P2RX5: variants seen among roughly 807,000 people sequenced by gnomAD.
P2RX5 encodes the protein P2X purinoceptor 5.
P2RX5 carries 46 observed loss-of-function variants against 54.1 expected under a neutral mutation model. The observed-to-expected ratio is 0.85, with a 90% CI of 0.67 to 1.09. The LOEUF is 1.09. Ranked by LOEUF, P2RX5 falls within the 50% of genes least tolerant of loss-of-function variation. The pLI is 0.00. For synonymous variants in P2RX5, 226 were observed against 226.4 expected, an observed-to-expected ratio of 1.00 and a Z score of 0.02; for missense variants, 566 against 549.8, an observed-to-expected ratio of 1.03 and a Z score of -0.29.
intron 11 of P2RX5, among the ~76,000 whole-genome samples, chr17:3,674,811 A>AC (rs2050064659): frequency 6.6e-6 from 1 of 152,170 alleles, no homozygotes; most frequent in Non-Finnish European, 1.5e-5. Flanking sequence ...TCCTTGGGGA[A>AC]ACCTTCTCTG....
At chr17:3,679,501 G>T in intron 11 of P2RX5, 89 bp downstream of exon 11, 1 of 1,200,192 alleles carries the variant, frequency 8.3e-7, no homozygotes, top group Non-Finnish European at 1.2e-6. Context: ...AGAGGGGTCC[G>T]CTGGAGCTGC....
intron 9 of P2RX5, among the ~76,000 whole-genome samples, chr17:3,683,745 A>AG (rs929493316): frequency 1.4e-5 from 2 of 148,008 alleles, no homozygotes; most frequent in African/African-American, 4.9e-5. Flanking sequence ...AAAAAAAAAA[A>AG]AAAGAAAAGT....
the P2RX5 span, among the ~76,000 whole-genome samples, chr17:3,709,710 C>CG: frequency 6.6e-6 from 1 of 152,006 alleles, no homozygotes; most frequent in South Asian, 2.1e-4. Context: ...GTCAGGAGTT[C>CG]GAGACCAGCC....
chr17:3,709,742 C>T, the P2RX5 span, among the ~76,000 whole-genome samples: 1 of 152,106 alleles, frequency 6.6e-6, no homozygotes, highest in Non-Finnish European at 1.5e-5. Context: ...AACCCCGTCT[C>T]TACTAAAAAT....
intron 11 of P2RX5, chr17:3,677,594 G>T (rs2142995183): frequency 1.0e-6 from 1 of 985,426 alleles, no homozygotes. Flanking sequence ...AACCCTGCTA[G>T]AGGCTAGAGG....
the P2RX5 span, among the ~76,000 whole-genome samples, chr17:3,710,196 G>A: frequency 6.6e-6 from 1 of 152,072 alleles, no homozygotes; most frequent in Non-Finnish European, 1.5e-5. Flanking sequence ...GGAAGCCGAG[G>A]TGAGCGGATC....
At chr17:3,698,088 C>T (rs1567743633), upstream of P2RX5, among the ~76,000 whole-genome samples, 1 of 151,880 alleles carries the variant, frequency 6.6e-6, no homozygotes, top group African/African-American at 2.4e-5. Context: ...TCCACCCTGC[C>T]CCAGTCATGA....
chr17:3,681,049 T>G (rs941094535), intron 10 of P2RX5, among the ~76,000 whole-genome samples: 3 of 151,408 alleles, frequency 2.0e-5, no homozygotes, highest in Non-Finnish European at 2.9e-5. Flanking sequence ...CCCAGCGTCC[T>G]CCACCCTGCA....
chr17:3,719,916 G>C, the P2RX5 span, among the ~76,000 whole-genome samples: 1 of 152,066 alleles, frequency 6.6e-6, no homozygotes, highest in African/African-American at 2.4e-5. Flanking sequence ...TTGGTAGACA[G>C]GGTTTCTCCA....
chr17:3,690,242 C>G, intron 5 of P2RX5, 92 bp from the exon 6 acceptor site: 1 of 1,304,700 alleles, frequency 7.7e-7, no homozygotes. Context: ...TTCCTTGGGT[C>G]CCCTGGAGCC....
chr17:3,714,938 C>A, the P2RX5 span: 1 of 1,592,470 alleles, frequency 6.3e-7, no homozygotes, highest in Admixed American at 1.7e-5. Context: ...TTTAAAAAAG[C>A]CACACTGAAA....
chr17:3,699,874 A>AAAGAAAGGAAGGAAGGAAGGAAGG (rs1567744280), upstream of P2RX5, among the ~76,000 whole-genome samples: 4 of 42,712 alleles, frequency 9.4e-5, no homozygotes, highest in East Asian at 6.8e-4. Flanking sequence ...AGAAAGAAAG[A>AAAGAAAGGAAGGAAGGAAGGAAGG]AAGGAAGGAA....
the P2RX5 span, among the ~76,000 whole-genome samples, chr17:3,710,442 TA>T: frequency 1.3e-5 from 2 of 151,256 alleles, no homozygotes; most frequent in African/African-American, 4.9e-5. Context: ...AATAAATAAA[TA>T]AATAAATTAA....
intron 10 of P2RX5, among the ~76,000 whole-genome samples, chr17:3,680,217 ATCCTCCACCCTGCG>A (rs2050217417): frequency 2.1e-5 from 1 of 48,726 alleles, no homozygotes; most frequent in Non-Finnish European, 4.1e-5. Context: ...TCCACCCTGC[ATCCTCCACCCTGCG>A]TCCTCCACCC....
At position 3,690,424 on chromosome 17, in the gene P2RX5, C is replaced by G; in HGVS notation, c.533+3G>C. ...TCAGGGTCCTGAGGCTGCAGCCACT[C>G]ACTCCGGCCTGGAGCTTGTCTCCAA... On this transcript the variant is annotated splice_donor_region_variant and intron_variant, in intron 5 of 11. Transcript: ENST00000225328. 1 of 1,605,760 alleles carries G rather than the reference C, an allele frequency of 6.2e-7. No individual in the cohort carries two copies. Among genetic ancestry groups the G allele is most frequent in the Middle Eastern group, 1.7e-4 (1 of 5,894 alleles).
intron 5 of P2RX5, 114 bp from the exon 6 acceptor site, chr17:3,690,264 C>G: frequency 2.5e-6 from 3 of 1,210,576 alleles, no homozygotes. Flanking sequence ...CTGCCCAGGA[C>G]AGTTAATTTG....
chr17:3,703,003 G>C, the P2RX5 span, among the ~76,000 whole-genome samples: 3 of 152,146 alleles, frequency 2.0e-5, no homozygotes, highest in Admixed American at 2.0e-4. Context: ...AGCTACGAGG[G>C]AGCCTCAGAC....
chr17:3,717,803 T>C, the P2RX5 span: 1 of 152,086 alleles, frequency 6.6e-6, no homozygotes, highest in Non-Finnish European at 1.5e-5. Context: ...AGTGAAGTCC[T>C]AGGCTTTGAG....
intron 11 of P2RX5, 42 bp from the exon 12 acceptor site, chr17:3,673,919 C>G (rs1190410334): frequency 1.3e-6 from 2 of 1,572,188 alleles, no homozygotes; most frequent in Non-Finnish European, 1.7e-6. Flanking sequence ...GAGGCTGGCA[C>G]TCTCATCTTC....
Sources: allele counts gnomAD v4.1 joint callset (sites outside exome capture counted in the v4.1 genomes callset), GRCh38; gene constraint gnomAD v4.1.1; transcripts MANE v1.5; gene names NCBI Gene and HGNC (gene_info 2026-07-23, HGNC 2026-07-21).